Variants in LHFPL6 observed in about 807,000 individuals in gnomAD.
The protein encoded by LHFPL6 is LHFPL tetraspan subfamily member 6, also known as LHFPL tetraspan subfamily member 6 protein.
LHFPL6 carries 9 observed loss-of-function variants against 20.6 expected under a neutral mutation model. The observed-to-expected ratio is 0.44, with a 90% CI of 0.26 to 0.76. The LOEUF (loss-of-function observed/expected upper bound fraction) is 0.76. Among genes scored for constraint, LHFPL6 ranks in the 30% least tolerant of loss-of-function variants. The pLI, the probability that LHFPL6 is intolerant of heterozygous loss-of-function variation, is 0.20. For synonymous variants in LHFPL6, 105 were observed against 98.7 expected (o/e 1.06, Z -0.38); for missense variants, 218 against 253.5 (o/e 0.86, Z 0.95).
At chr13:39,510,975 C>T (rs975557252) in intron 2 of LHFPL6, among the ~76,000 whole-genome samples, 2 of 151,892 alleles carry the variant, frequency 1.3e-5, no homozygotes, top group Non-Finnish European at 2.9e-5. Context: ...CAGGTTCAAG[C>T]GATTCTCCTG....
At chr13:39,574,297 A>G (rs1412281083) in intron 2 of LHFPL6, among the ~76,000 whole-genome samples, 3 of 152,052 alleles carry the variant, frequency 2.0e-5, no homozygotes, top group Non-Finnish European at 4.4e-5. Flanking sequence ...CCTGGCTAAC[A>G]TGGTGAAACC....
chr13:39,439,568 G>A (rs1426779087), intron 2 of LHFPL6, among the ~76,000 whole-genome samples: 3 of 152,142 alleles, frequency 2.0e-5, no homozygotes. Flanking sequence ...TTGGATCTTT[G>A]TCCCTGCCCA....
At chr13:39,366,983 A>C (rs73451039) in intron 3 of LHFPL6, among the ~76,000 whole-genome samples, 3,397 of 152,354 alleles carry the variant, frequency 0.022, 136 homozygotes, top group African/African-American at 0.078. Flanking sequence ...CTTCGAAATG[A>C]TAGTTCAGAA....
At chr13:39,602,859 G>C (rs1052842431) in intron 1 of LHFPL6, 24 bp downstream of exon 1, 6 of 152,236 alleles carry the variant, frequency 3.9e-5, no homozygotes, top group Non-Finnish European at 8.8e-5. Context: ...CCACGCCCAC[G>C]GGGCAGCCGA....
In LHFPL6 at chr13:39,345,512, C is replaced by CAAAAAAAAAA. The variant is rs71077225; in HGVS notation, c.485-1468_485-1459dup. On this transcript the variant is annotated intron_variant, in intron 3 of 3. Transcript: ENST00000379589. The stretch of plus-strand genomic sequence containing the variant: ...TGGGTCAGGGAGCGAGACTCCATCT[C>CAAAAAAAAAA]AAAAAAAAAAAAAAAAAAAAAAAAA... Among the ~76,000 whole-genome samples, 161 of 43,410 alleles carry CAAAAAAAAAA rather than the reference C, an allele frequency of 3.7e-3. 12 individuals carry two copies. Among genetic ancestry groups the CAAAAAAAAAA allele is most frequent in the East Asian group, 6.9e-3 (7 of 1,014 alleles). 28.5% of individuals were successfully genotyped at this position (43,410 alleles called of 152,430 possible).
chr13:39,370,055 C>T (rs1593288260), intron 3 of LHFPL6, among the ~76,000 whole-genome samples: 2 of 152,254 alleles, frequency 1.3e-5, no homozygotes, highest in Admixed American at 1.3e-4. Context: ...ATGTGGCATT[C>T]TCCCTACTTC....
intron 2 of LHFPL6, among the ~76,000 whole-genome samples, chr13:39,394,100 C>G (rs1323251908): frequency 1.3e-5 from 2 of 152,082 alleles, no homozygotes; most frequent in Admixed American, 6.6e-5. Context: ...GCCACCACAC[C>G]CAGCTAGTTT....
Position 39,344,004 on chromosome 13 carries a change from C to T in LHFPL6, c.535G>A (p.Ala179Thr), listed in dbSNP as rs367901772. Residue 179 changes from alanine to threonine, a missense_variant, in exon 4 of 4, where the codon GCC becomes ACC. Ala to Thr is a moderately conservative substitution (Grantham distance 58, BLOSUM62 0). Coordinates refer to ENST00000379589, the MANE Select transcript of LHFPL6 (RefSeq NM_005780.3). ...AYYCTGAGATAAMLLCTWLAC... is the reference protein window; with the variant it reads ...AYYCTGAGATTAMLLCTWLAC... Reference sequence around the variant, plus strand: ...AGCCACGTGCACAGCAGCATGGCGGCAGTGGCACCTGCTCCCGTGCAGTAG... The same window carrying T: ...AGCCACGTGCACAGCAGCATGGCGGTAGTGGCACCTGCTCCCGTGCAGTAG... 7.3e-5 allele frequency: 117 copies of T among 1,613,710 alleles called. No homozygotes were observed. The East Asian group carries it at 1.7e-3, about 23-fold the overall frequency.
chr13:39,351,195 A>T (rs947779444), intron 3 of LHFPL6, among the ~76,000 whole-genome samples: 1 of 152,232 alleles, frequency 6.6e-6, no homozygotes, highest in African/African-American at 2.4e-5. Flanking sequence ...CTAAGAATAG[A>T]AATACAAAAT....
At chr13:39,375,101 A>G (rs1198975509) in intron 3 of LHFPL6, among the ~76,000 whole-genome samples, 1 of 152,218 alleles carries the variant, frequency 6.6e-6, no homozygotes, top group African/African-American at 2.4e-5. Context: ...AACATTTCAC[A>G]ACCCTTGGGA....
Position 39,352,196 on chromosome 13 carries a change from C to A in LHFPL6, c.485-8142G>T, listed in dbSNP as rs1869586371. 2.6e-5 allele frequency among the ~76,000 whole-genome samples: 4 copies of A among 152,202 alleles called. No individual in the cohort carries two copies. In the South Asian group the frequency reaches 8.3e-4, roughly 32 times the overall value. The stretch of plus-strand genomic sequence containing the variant: ...ATAAGCTTGCTTGAGGAACAGATAA[C>A]TAATGCTACCTGCAGGAGAAACTGC... On this transcript the variant is annotated intron_variant, in intron 3 of 3. Transcript: ENST00000379589.
intron 3 of LHFPL6, among the ~76,000 whole-genome samples, chr13:39,368,989 T>C (rs1440518658): frequency 6.6e-6 from 1 of 150,780 alleles, no homozygotes; most frequent in Non-Finnish European, 1.5e-5. Context: ...GAACACATAA[T>C]ACAAAAAATA....
Position 39,601,004 on chromosome 13 carries a change from A to G in LHFPL6, c.213T>C (p.Tyr71=). The change falls in exon 2 of 4, where the codon TAT becomes TAC. Residue 71 remains tyrosine, a synonymous_variant. Transcript: ENST00000379589. ...MMVMVEECGR[Y]ASFQGIPSAE... Reference sequence around the variant, plus strand: ...CGCTGGGGATGCCCTGGAAGGAGGCATAGCGCCCACATTCCTCCACCATCA... The same window carrying G: ...CGCTGGGGATGCCCTGGAAGGAGGCGTAGCGCCCACATTCCTCCACCATCA... 1 of 1,614,136 alleles carries G rather than the reference A, an allele frequency of 6.2e-7. No individual in the cohort carries two copies. The highest frequency in any genetic ancestry group is 8.5e-7 in the Non-Finnish European group (1 of 1,179,986).
intron 2 of LHFPL6, among the ~76,000 whole-genome samples, chr13:39,496,271 G>T (rs1261246977): frequency 6.6e-6 from 1 of 152,118 alleles, no homozygotes; most frequent in African/African-American, 2.4e-5. Context: ...GTTCTCCCAT[G>T]GTGGAAGGGG....
chr13:39,400,844 C>T (rs563516857), intron 2 of LHFPL6, among the ~76,000 whole-genome samples: 1 of 147,832 alleles, frequency 6.8e-6, no homozygotes, highest in Admixed American at 6.8e-5. Flanking sequence ...TATATATCTT[C>T]CCAGCACCAA....
intron 2 of LHFPL6, among the ~76,000 whole-genome samples, chr13:39,518,756 C>T (rs1870009641): frequency 6.6e-6 from 1 of 152,238 alleles, no homozygotes; most frequent in Non-Finnish European, 1.5e-5. Flanking sequence ...GGCCCCTACT[C>T]CCATCCCCCG....
intron 3 of LHFPL6, among the ~76,000 whole-genome samples, chr13:39,362,080 AT>A (rs1275818623): frequency 3.9e-5 from 6 of 152,228 alleles, no homozygotes; most frequent in Non-Finnish European, 8.8e-5. Context: ...ATAAACAAGA[AT>A]TTGAAGATAT....
At chr13:39,549,946 GA>G (rs1368161647) in intron 2 of LHFPL6, among the ~76,000 whole-genome samples, 1 of 152,086 alleles carries the variant, frequency 6.6e-6, no homozygotes, top group African/African-American at 2.4e-5. Flanking sequence ...ACAGAAAGTA[GA>G]TTAGTGGCTT....
intron 2 of LHFPL6, among the ~76,000 whole-genome samples, chr13:39,537,582 T>C (rs1181182528): frequency 6.6e-6 from 1 of 152,204 alleles, no homozygotes; most frequent in Non-Finnish European, 1.5e-5. Flanking sequence ...GGGTTTTCTA[T>C]TTAAGTCTCA....
Sources: allele counts gnomAD v4.1 joint callset (sites outside exome capture counted in the v4.1 genomes callset), GRCh38; gene constraint gnomAD v4.1.1; transcripts MANE v1.5; gene names NCBI Gene and HGNC (gene_info 2026-07-23, HGNC 2026-07-21).